Variants in TOM1L2 observed in about 807,000 individuals in gnomAD.
The protein encoded by TOM1L2 is target of myb1 like 2 membrane trafficking protein, also known as TOM1-like protein 2.
TOM1L2 carries 31 observed loss-of-function variants against 67.9 expected under a neutral mutation model. The observed-to-expected ratio is 0.46, with a 90% CI of 0.34 to 0.62. The LOEUF (loss-of-function observed/expected upper bound fraction) is 0.62, where lower values mean the gene tolerates loss of function less well. Ranked by LOEUF, TOM1L2 falls within the 20% of genes least tolerant of loss-of-function variation. The pLI, the probability that TOM1L2 is intolerant of heterozygous loss-of-function variation, is 0.01. For synonymous variants in TOM1L2, 256 were observed against 254.0 expected (o/e 1.01, Z -0.07); for missense variants, 606 against 663.5 (o/e 0.91, Z 0.95).
intron 1 of TOM1L2, among the ~76,000 whole-genome samples, chr17:17,946,889 T>C (rs1051765160): frequency 6.6e-6 from 1 of 152,270 alleles, no homozygotes; most frequent in South Asian, 2.1e-4. Context: ...CACGCCTGGC[T>C]AATTTTTGTA....
chr17:17,884,375 C>A (rs1598263374), intron 5 of TOM1L2, among the ~76,000 whole-genome samples: 2 of 152,306 alleles, frequency 1.3e-5, no homozygotes, highest in African/African-American at 4.8e-5. Context: ...TGGCTCCGCC[C>A]AAGTAGCCAT....
chr17:17,898,791 A>G, intron 2 of TOM1L2, 117 bp from the exon 3 acceptor site: 1 of 987,250 alleles, frequency 1.0e-6, no homozygotes, highest in South Asian at 1.4e-5. Flanking sequence ...ATGTTTGTAA[A>G]TGTAAAAGAC....
At chr17:17,969,652 C>G (rs1227121200) in intron 1 of TOM1L2, among the ~76,000 whole-genome samples, 1 of 152,128 alleles carries the variant, frequency 6.6e-6, no homozygotes, top group African/African-American at 2.4e-5. Context: ...ATCCTGGGGC[C>G]TGGTAGGGTA....
chr17:17,898,264 T>C (rs2038676737), intron 3 of TOM1L2, among the ~76,000 whole-genome samples: 1 of 151,890 alleles, frequency 6.6e-6, no homozygotes, highest in African/African-American at 2.4e-5. Flanking sequence ...AGAGAAGGAG[T>C]TGGTCTCAGT....
intron 1 of TOM1L2, among the ~76,000 whole-genome samples, chr17:17,908,658 T>C (rs1039649222): frequency 3.3e-5 from 5 of 152,082 alleles, no homozygotes; most frequent in African/African-American, 4.8e-5. Context: ...AAAGAAGATA[T>C]ATAAATGACT....
At chr17:17,901,883 C>G (rs2038873459) in intron 2 of TOM1L2, among the ~76,000 whole-genome samples, 1 of 149,666 alleles carries the variant, frequency 6.7e-6, no homozygotes, top group Non-Finnish European at 1.5e-5. Flanking sequence ...GCCTGGAAAA[C>G]AGAGTCTAAA....
At chr17:17,907,033 C>T (rs2039130350) in intron 2 of TOM1L2, among the ~76,000 whole-genome samples, 1 of 152,222 alleles carries the variant, frequency 6.6e-6, no homozygotes, top group African/African-American at 2.4e-5. Context: ...ATGCCCTGGA[C>T]CTCCCTCCAT....
intron 1 of TOM1L2, among the ~76,000 whole-genome samples, chr17:17,922,579 T>TG (rs1330811423): frequency 6.6e-6 from 1 of 152,138 alleles, no homozygotes; most frequent in African/African-American, 2.4e-5. Flanking sequence ...ATCTGGGGAC[T>TG]GGGGGTCAGT....
chr17:17,894,934 A>AACATACAT lies in TOM1L2; in HGVS notation c.217-1132_217-1125dup, dbSNP rs200969782. 3.4e-3 allele frequency among the ~76,000 whole-genome samples: 493 copies of AACATACAT among 143,804 alleles called. 5 individuals are homozygous for AACATACAT. The highest frequency in any genetic ancestry group is 7.8e-3 in the African/African-American group (310 of 39,812). 94.3% of individuals were successfully genotyped at this position (143,804 alleles called of 152,430 possible). A position where few individuals can be genotyped will look rare whatever the true frequency, so the allele number is the denominator to read the frequency against. ...CAACAGAACAAAACTCTGTCTCAAAAACATACATACATACATACATACATA... is the reference window on the plus strand; with the variant it reads ...CAACAGAACAAAACTCTGTCTCAAAAACATACATACATACATACATACATACATACATA... On this transcript the variant is annotated intron_variant, in intron 3 of 14. Coordinates refer to ENST00000379504, the MANE Select transcript of TOM1L2 (RefSeq NM_001082968.2).
At chr17:17,936,095 C>G (rs531580486) in intron 1 of TOM1L2, among the ~76,000 whole-genome samples, 2 of 152,348 alleles carry the variant, frequency 1.3e-5, no homozygotes, top group South Asian at 4.1e-4. Context: ...CACTTGGCCT[C>G]GCTTGCTCCT....
chr17:17,909,894 T>A (rs1325905429), intron 1 of TOM1L2, among the ~76,000 whole-genome samples: 3 of 152,148 alleles, frequency 2.0e-5, no homozygotes, highest in African/African-American at 7.2e-5. Flanking sequence ...CTGGGCATAG[T>A]GGCTTGTGCC....
At position 17,866,272 on chromosome 17, in the gene TOM1L2, C is replaced by T. The variant is rs200296185; in HGVS notation, c.1084+24G>A. On this transcript the variant is annotated intron_variant, in intron 10 of 14. Transcript: ENST00000379504. Reference sequence around the variant, plus strand: ...GCCAGTGGTAGGAAGTAGGTAGGCCCTTTTGTCCCTGTGAGACACTCACCT... The same window carrying T: ...GCCAGTGGTAGGAAGTAGGTAGGCCTTTTTGTCCCTGTGAGACACTCACCT... 2.5e-6 allele frequency: 4 copies of T among 1,604,336 alleles called. No individual in the cohort carries two copies. The African/African-American group carries it at 4.0e-5, about 16-fold the overall frequency.
chr17:17,853,712 C>G (rs1234392628), intron 12 of TOM1L2, among the ~76,000 whole-genome samples: 1 of 152,216 alleles, frequency 6.6e-6, no homozygotes, highest in Non-Finnish European at 1.5e-5. Flanking sequence ...CCCTCACACT[C>G]ACTGGTGGCA....
chr17:17,947,956 A>G (rs1285413053), intron 1 of TOM1L2, among the ~76,000 whole-genome samples: 1 of 152,230 alleles, frequency 6.6e-6, no homozygotes, highest in African/African-American at 2.4e-5. Context: ...GTCCAAATTC[A>G]GAATCCACTC....
chr17:17,847,531 G>T lies in TOM1L2; in HGVS notation c.*104C>A. The T allele has an allele frequency of 7.0e-7, 1 of 1,432,240 alleles. No individual in the cohort carries two copies. The highest frequency in any genetic ancestry group is 9.3e-7 in the Non-Finnish European group (1 of 1,070,002). 88.7% of individuals were successfully genotyped at this position (1,432,240 alleles called of 1,614,324 possible). A position where few individuals can be genotyped will look rare whatever the true frequency, so the allele number is the denominator to read the frequency against. On this transcript the variant is annotated 3_prime_UTR_variant, in exon 15 of 15. Transcript: ENST00000379504. ...CGGTGGCATTTCCATGGAAACACAG[G>T]TGTGCAGGCCGTGTGGAGCTGGGGA...
At chr17:17,914,313 C>T (rs1029988856) in intron 1 of TOM1L2, among the ~76,000 whole-genome samples, 8 of 152,178 alleles carry the variant, frequency 5.3e-5, no homozygotes, top group Non-Finnish European at 1.0e-4. Context: ...ACATTGTGTC[C>T]TCCCCCTTAA....
At chr17:17,861,611 G>A in intron 11 of TOM1L2, 60 bp from the exon 12 acceptor site, 1 of 1,434,472 alleles carries the variant, frequency 7.0e-7, no homozygotes, top group South Asian at 1.1e-5. Flanking sequence ...ATGGAGGGAT[G>A]GGGTAGTGGC....
chr17:17,898,649 T>C lies in TOM1L2; in HGVS notation c.163A>G (p.Lys55Glu). 1 of 1,614,218 alleles carries C rather than the reference T, an allele frequency of 6.2e-7. No individual in the cohort carries two copies. Among genetic ancestry groups the C allele is most frequent in the Non-Finnish European group, 8.5e-7 (1 of 1,180,038 alleles). The change falls in exon 3 of 15, where the codon AAG (lysine) becomes GAG (glutamate). Residue 55 changes from lysine to glutamate, a missense_variant. Around this residue, in one of 2 missense-constraint regions of TOM1L2, gnomAD observed 63 missense variants for 109.5 expected, o/e 0.58. Coordinates refer to ENST00000379504, the MANE Select transcript of TOM1L2 (RefSeq NM_001082968.2). ...TTCCGGTTCCCGTTGAGCCGCTTCT[T>C]CAGGGCTCGAATGGCATCCTTTGGC... Reference protein sequence around the residue: ...EGPKDAIRALKKRLNGNRNYR... With the variant: ...EGPKDAIRALEKRLNGNRNYR...
intron 1 of TOM1L2, among the ~76,000 whole-genome samples, chr17:17,947,052 G>C (rs112830338): frequency 2.6e-4 from 39 of 152,144 alleles, no homozygotes; most frequent in African/African-American, 9.2e-4. Context: ...TAACAGAAGT[G>C]CCTCAGGGTT....
Sources: gnomAD v4.1 joint callset for allele counts (sites outside exome capture counted in the v4.1 genomes callset) on GRCh38, gnomAD v4.1.1 for gene constraint, gnomAD v4.1.1 regional missense constraint, MANE v1.5 for transcripts, NCBI Gene and HGNC (gene_info 2026-07-23, HGNC 2026-07-21) for gene names.